Variants in C2CD5 observed in about 807,000 individuals in gnomAD.
C2CD5 encodes the protein C2 domain-containing protein 5.
A neutral mutation model predicts 130.3 loss-of-function variants in C2CD5; 109 were observed. The observed-to-expected ratio is 0.84, with a 90% CI of 0.72 to 0.98. The LOEUF is 0.98. Among genes scored for constraint, C2CD5 ranks in the 50% least tolerant of loss-of-function variants. The pLI, the probability that C2CD5 is intolerant of heterozygous loss-of-function variation, is 0.00. For synonymous variants in C2CD5, 454 were observed against 429.2 expected (o/e 1.06, Z -0.71); for missense variants, 996 against 1,261.8 (o/e 0.79, Z 3.19).
At position 22,474,781 on chromosome 12, in the gene C2CD5, TG is replaced by T. The variant is rs865996855; in HGVS notation, c.2012del (p.Ser671TyrfsTer45). ...AAACAAAAGCATCTTTTTTCCCATG[TG>T]AAAGGTCTAATTCTGTAACTTCATC... ...SSDEVTELDL[S>X]HGKKDAFVLE... On this transcript the variant is annotated frameshift_variant, in exon 16 of 27. Coordinates refer to ENST00000446597, the MANE Select transcript of C2CD5 (RefSeq NM_001286176.2). LOFTEE classifies it high-confidence loss of function. 1 of 1,605,544 alleles carries T rather than the reference TG, an allele frequency of 6.2e-7. No homozygotes were observed. The highest frequency in any genetic ancestry group is 1.3e-5 in the African/African-American group (1 of 74,690).
At chr12:22,503,539 C>G (rs1026608186) in intron 10 of C2CD5, among the ~76,000 whole-genome samples, 2 of 152,110 alleles carry the variant, frequency 1.3e-5, no homozygotes, top group African/African-American at 4.8e-5. Flanking sequence ...GAGATGGAGT[C>G]TCCCTCTGTC....
intron 10 of C2CD5, among the ~76,000 whole-genome samples, chr12:22,495,871 T>C (rs896235630): frequency 6.6e-6 from 1 of 151,978 alleles, no homozygotes; most frequent in Non-Finnish European, 1.5e-5. Context: ...ACAGTGGATA[T>C]TTTGGCGCAT....
intron 6 of C2CD5, among the ~76,000 whole-genome samples, 195 bp downstream of exon 6, chr12:22,524,277 A>C (rs1215353314): frequency 1.3e-5 from 2 of 152,132 alleles, no homozygotes; most frequent in Non-Finnish European, 2.9e-5. Flanking sequence ...CTTTTACTAC[A>C]AGCTTCTGAT....
chr12:22,533,681 T>C (rs548150891), intron 3 of C2CD5, among the ~76,000 whole-genome samples: 7 of 151,862 alleles, frequency 4.6e-5, no homozygotes, highest in African/African-American at 1.7e-4. Context: ...GAAGCACAAG[T>C]GGGAAGAAGG....
chr12:22,449,916 G>C, intron 26 of C2CD5, 25 bp from the exon 27 acceptor site: 1 of 1,587,228 alleles, frequency 6.3e-7, no homozygotes, highest in Non-Finnish European at 8.6e-7. Context: ...AACAGGACAG[G>C]TTCAGTTATA....
intron 14 of C2CD5, among the ~76,000 whole-genome samples, chr12:22,479,068 C>G (rs1944311133): frequency 1.3e-5 from 2 of 151,866 alleles, no homozygotes; most frequent in Non-Finnish European, 2.9e-5. Context: ...TTTTATGTTT[C>G]TACCTCACAA....
chr12:22,517,241 T>TTTA (rs1242048918), intron 8 of C2CD5, among the ~76,000 whole-genome samples: 1 of 151,770 alleles, frequency 6.6e-6, no homozygotes, highest in African/African-American at 2.4e-5. Flanking sequence ...AAAAATACTA[T>TTTA]TTATAAAAAT....
At chr12:22,512,582 C>T in intron 9 of C2CD5, 1 of 1,113,060 alleles carries the variant, frequency 9.0e-7, no homozygotes, top group South Asian at 1.6e-5. Flanking sequence ...TTTAAATGAC[C>T]AAGATTAAAA....
At chr12:22,499,218 T>C (rs1266624243) in intron 10 of C2CD5, among the ~76,000 whole-genome samples, 4 of 152,212 alleles carry the variant, frequency 2.6e-5, no homozygotes, top group African/African-American at 9.6e-5. Context: ...ATAATTCCCC[T>C]TTCTTTCTCT....
chr12:22,493,581 T>G (rs1336742429), intron 10 of C2CD5, among the ~76,000 whole-genome samples: 1 of 152,122 alleles, frequency 6.6e-6, no homozygotes, highest in Admixed American at 6.6e-5. Flanking sequence ...TCTATAGGAA[T>G]ATATGATTAG....
intron 2 of C2CD5, among the ~76,000 whole-genome samples, chr12:22,543,314 A>C (rs1210931015): frequency 6.6e-6 from 1 of 152,246 alleles, no homozygotes; most frequent in South Asian, 2.1e-4. Flanking sequence ...CTTTTAAACT[A>C]ATCATTAGAC....
At chr12:22,463,122 C>T (rs1210955366) in intron 22 of C2CD5, among the ~76,000 whole-genome samples, 3 of 151,464 alleles carry the variant, frequency 2.0e-5, no homozygotes, top group African/African-American at 7.3e-5. Context: ...TGCGGTGGCT[C>T]ACACCTGTAA....
chr12:22,515,045 C>T (rs1424084040), intron 8 of C2CD5: 5 of 984,964 alleles, frequency 5.1e-6, no homozygotes, highest in Middle Eastern at 5.2e-4. Context: ...AGGGGTAAGG[C>T]TAGATTCCGA....
At chr12:22,478,229 A>G (rs759253668) in intron 15 of C2CD5, 84 bp downstream of exon 15, 1 of 1,124,958 alleles carries the variant, frequency 8.9e-7, no homozygotes, top group South Asian at 1.3e-5. Flanking sequence ...TGAAAAAAAA[A>G]TCTTGTGTCC....
At chr12:22,452,514 T>C (rs1255664306) in intron 26 of C2CD5, among the ~76,000 whole-genome samples, 1 of 152,172 alleles carries the variant, frequency 6.6e-6, no homozygotes, top group African/African-American at 2.4e-5. Flanking sequence ...AGCTTTTAGA[T>C]ATGCCCCAAT....
At chr12:22,495,803 AG>A (rs1246010185) in intron 10 of C2CD5, among the ~76,000 whole-genome samples, 2 of 152,126 alleles carry the variant, frequency 1.3e-5, no homozygotes, top group Non-Finnish European at 2.9e-5. Context: ...TTTTGGCTAA[AG>A]CAAAAGCTCA....
chr12:22,473,018 A>G (rs1943291741), intron 16 of C2CD5, among the ~76,000 whole-genome samples: 1 of 152,164 alleles, frequency 6.6e-6, no homozygotes, highest in Non-Finnish European at 1.5e-5. Flanking sequence ...AAGTACACTA[A>G]GTTAAAAAAG....
intron 10 of C2CD5, among the ~76,000 whole-genome samples, chr12:22,495,496 A>G (rs1431828312): frequency 6.6e-6 from 1 of 152,110 alleles, no homozygotes; most frequent in East Asian, 1.9e-4. Context: ...AGTATAACAC[A>G]TAAAATAATC....
intron 16 of C2CD5, among the ~76,000 whole-genome samples, chr12:22,473,482 C>G (rs541417161): frequency 6.6e-6 from 1 of 152,172 alleles, no homozygotes; most frequent in Non-Finnish European, 1.5e-5. Flanking sequence ...ACGTTCCACA[C>G]CCAGGATCTC....
Sources: gnomAD v4.1 joint callset for allele counts (sites outside exome capture counted in the v4.1 genomes callset) on GRCh38, gnomAD v4.1.1 for gene constraint, MANE v1.5 for transcripts, NCBI Gene and HGNC (gene_info 2026-07-23, HGNC 2026-07-21) for gene names.